The following ZNF467 variants were observed in gnomAD, a reference collection of about 807,000 sequenced individuals.
The protein encoded by ZNF467 is zinc finger protein EZI.
In ZNF467, 51 loss-of-function variants were observed where a neutral mutation model predicts 47.8. That is an observed-to-expected ratio of 1.07 (90% CI 0.85 to 1.35). The LOEUF is 1.35. Ranked by LOEUF, ZNF467 falls within the 40% of genes most tolerant of loss-of-function variation. The pLI is 0.00. For synonymous variants in ZNF467, 416 were observed against 372.9 expected, an observed-to-expected ratio of 1.12 and a Z score of -1.33; for missense variants, 992 against 858.1, an observed-to-expected ratio of 1.16 and a Z score of -1.95.
intron 3 of ZNF467, among the ~76,000 whole-genome samples, chr7:149,770,060 C>T (rs997494164): frequency 5.3e-5 from 8 of 151,592 alleles, no homozygotes; most frequent in Non-Finnish European, 1.2e-4. Flanking sequence ...CTATAACATG[C>T]CCCACCCACC....
At chr7:149,771,123 A>G in intron 1 of ZNF467, 49 bp from the exon 2 acceptor site, 3 of 1,560,062 alleles carry the variant, frequency 1.9e-6, no homozygotes, top group Non-Finnish European at 2.6e-6. Flanking sequence ...GCCAGCTTCC[A>G]CCTGGGCCCT....
In ZNF467 at chr7:149,764,319, G is replaced by C. The variant is rs1799069491; in HGVS notation, c.*395C>G. 1 of 448,586 alleles carries C rather than the reference G, an allele frequency of 2.2e-6. No homozygotes were observed. The highest frequency in any genetic ancestry group is 2.1e-5 in the African/African-American group (1 of 48,090). The allele number at this position is 448,586 out of a possible 1,614,324, so 27.8% of individuals were successfully genotyped here. ...ATGGAGGTGGGACAGTGGCTAAGGA[G>C]AGTCAGGTGTTCCCTCCCCCAATTC... On this transcript the variant is annotated 3_prime_UTR_variant, in exon 5 of 5. Transcript: ENST00000302017.
upstream of ZNF467, chr7:149,776,484 G>C (rs1207902051): frequency 2.3e-6 from 3 of 1,326,448 alleles, no homozygotes; most frequent in African/African-American, 1.5e-5. Flanking sequence ...GTGGCCGCTC[G>C]GGGCTTACCC....
chr7:149,774,825 C>G (rs1461859121), upstream of ZNF467, among the ~76,000 whole-genome samples: 1 of 152,096 alleles, frequency 6.6e-6, no homozygotes, highest in Non-Finnish European at 1.5e-5. The surrounding 1 kb of genome is among the most constrained non-coding windows in gnomAD (Gnocchi z 5.7). Flanking sequence ...ACTCTGGGCC[C>G]TTTTTTGGCC....
Position 149,769,405 on chromosome 7 carries a change from G to A in ZNF467, c.152-205C>T, listed in dbSNP as rs1799321167. On this transcript the variant is annotated intron_variant, in intron 3 of 4. Transcript: ENST00000302017. The surrounding 1 kb of genome is among the most constrained non-coding windows in gnomAD (Gnocchi z 5.3). ...CTCCTTCAAGCAGGGCGGCTGCTAA[G>A]GGTATGTAATGAGATGGACTACAAG... 6.6e-6 allele frequency among the ~76,000 whole-genome samples: 1 copy of A among 152,116 alleles called. No homozygotes were observed. Among genetic ancestry groups the A allele is most frequent in the Non-Finnish European group, 1.5e-5 (1 of 68,014 alleles).
chr7:149,770,643 G>T, intron 2 of ZNF467, 87 bp from the exon 3 acceptor site: 1 of 1,193,254 alleles, frequency 8.4e-7, no homozygotes, highest in Non-Finnish European at 1.2e-6. Flanking sequence ...TTCCCAGCCT[G>T]CCCAAGAGAC....
chr7:149,764,301 T>TCCCC lies in ZNF467; in HGVS notation c.*412_*413insGGGG. The TCCCC allele has an allele frequency of 2.0e-6, 1 of 503,930 alleles. No individual in the cohort carries two copies. Among genetic ancestry groups the TCCCC allele is most frequent in the Non-Finnish European group, 3.5e-6 (1 of 287,220 alleles). 31.2% of individuals were successfully genotyped at this position (503,930 alleles called of 1,614,324 possible). A position where few individuals can be genotyped will look rare whatever the true frequency, so the allele number is the denominator to read the frequency against. ...GGGGTGGTCTGTGTGTGGATGGAGG[T>TCCCC]GGGACAGTGGCTAAGGAGAGTCAGG... On this transcript the variant is annotated 3_prime_UTR_variant, in exon 5 of 5. Coordinates refer to ENST00000302017, the MANE Select transcript of ZNF467 (RefSeq NM_207336.3).
chr7:149,774,591 T>C (rs1336178518), upstream of ZNF467, among the ~76,000 whole-genome samples: 1 of 152,114 alleles, frequency 6.6e-6, no homozygotes, highest in Admixed American at 6.5e-5. This position sits in a 1 kb window ranked among gnomAD's most constrained non-coding sequence, Gnocchi z 5.7. Context: ...GGCTCAGCTG[T>C]GAAGGCTCCT....
In ZNF467 at chr7:149,769,151, C is replaced by T; in HGVS notation, c.201G>A (p.Glu67=). ...PEEGAHTEQA[E]APCRGQACSA... ...AGCACGCCTGGCCTCTGCAGGGAGCCTCGGCTTGTTCTGTGTGGGCACCTT... is the reference window on the plus strand; with the variant it reads ...AGCACGCCTGGCCTCTGCAGGGAGCTTCGGCTTGTTCTGTGTGGGCACCTT... Residue 67 remains glutamate (E), a synonymous_variant, in exon 4 of 5, where the codon GAG becomes GAA. Coordinates refer to ENST00000302017, the MANE Select transcript of ZNF467 (RefSeq NM_207336.3). The surrounding 1 kb of genome is among the most constrained non-coding windows in gnomAD (Gnocchi z 5.3). 6.4e-7 allele frequency: 1 copy of T among 1,563,190 alleles called. No homozygotes were observed. Among genetic ancestry groups the T allele is most frequent in the South Asian group, 1.2e-5 (1 of 85,030 alleles).
At position 149,769,246 on chromosome 7, in the gene ZNF467, T is replaced by C; in HGVS notation, c.152-46A>G. The C allele has an allele frequency of 6.7e-7, 1 of 1,491,522 alleles. No individual in the cohort carries two copies. Among genetic ancestry groups the C allele is most frequent in the Non-Finnish European group, 9.0e-7 (1 of 1,110,600 alleles). 92.4% of individuals were successfully genotyped at this position (1,491,522 alleles called of 1,614,324 possible). ...TCAAGGACTCTGGAGACATCACAGA[T>C]GGCCAAAGGGCCCCACTGGTGCTGG... On this transcript the variant is annotated intron_variant, in intron 3 of 4. Transcript: ENST00000302017. This position sits in a 1 kb window ranked among gnomAD's most constrained non-coding sequence, Gnocchi z 5.3.
chr7:149,770,617 G>A lies in ZNF467; in HGVS notation c.35-61C>T, dbSNP rs1159208631. On this transcript the variant is annotated intron_variant, in intron 2 of 4. Coordinates refer to ENST00000302017, the MANE Select transcript of ZNF467 (RefSeq NM_207336.3). ...TCCAGTACAGAACAAGTAATCAGAG[G>A]CGGGGGCTGTTCCCCTTCCCAGCCT... 3.5e-6 allele frequency: 5 copies of A among 1,435,310 alleles called. No homozygotes were observed. In the Admixed American group the frequency reaches 9.6e-5, roughly 28 times the overall value. 88.9% of individuals were successfully genotyped at this position (1,435,310 alleles called of 1,614,324 possible).
At position 149,765,942 on chromosome 7, in the gene ZNF467, G is replaced by A. The variant is rs1382213688; in HGVS notation, c.560C>T (p.Pro187Leu). ...LHQRLHRGEG[P>L]CACPDCGRSF... is the part of the protein sequence containing the mutation. ...GCGGCCGCAGTCCGGGCAGGCGCAGGGGCCCTCGCCCCGGTGCAGCCGCTG... is the reference window on the plus strand; with the variant it reads ...GCGGCCGCAGTCCGGGCAGGCGCAGAGGCCCTCGCCCCGGTGCAGCCGCTG... Residue 187 changes from proline to leucine, a missense_variant, in exon 5 of 5, where the codon CCC becomes CTC. Pro to Leu is a moderately conservative substitution (Grantham distance 98, BLOSUM62 -3). Transcript: ENST00000302017. 4.5e-6 allele frequency: 7 copies of A among 1,552,820 alleles called. No homozygotes were observed. Among genetic ancestry groups the A allele is most frequent in the Non-Finnish European group, 6.1e-6 (7 of 1,149,432 alleles).
Position 149,766,108 on chromosome 7 carries a change from CA to C in ZNF467, c.393del (p.Ala132ProfsTer13). 1 of 1,609,286 alleles carries C rather than the reference CA, an allele frequency of 6.2e-7. No individual in the cohort carries two copies. ...GCCCCTGGCTCCAGTTTGTACGCGG[CA>C]GCCAGATGCCCCAGGTCAGGCGCGG... ...PFPAPDLGHL[A>X]AAYKLEPGAP... On this transcript the variant is annotated frameshift_variant, in exon 5 of 5. Coordinates refer to ENST00000302017, the MANE Select transcript of ZNF467 (RefSeq NM_207336.3). LOFTEE classifies it high-confidence loss of function.
chr7:149,776,085 C>T (rs768086345), upstream of ZNF467: 4 of 1,364,812 alleles, frequency 2.9e-6, no homozygotes, highest in Middle Eastern at 6.8e-4. Flanking sequence ...TGGGCCCTGG[C>T]TGACGGGTAA....
At position 149,766,201 on chromosome 7, in the gene ZNF467, C is replaced by G; in HGVS notation, c.301G>C (p.Glu101Gln). The G allele has an allele frequency of 2.0e-6, 3 of 1,535,910 alleles. No individual in the cohort carries two copies. The highest frequency in any genetic ancestry group is 2.6e-6 in the Non-Finnish European group (3 of 1,140,278). The change falls in exon 5 of 5, where the codon GAA becomes CAA. Residue 101 changes from glutamate (E) to glutamine (Q), a missense_variant. Glu to Gln is a conservative substitution (Grantham distance 29). Transcript: ENST00000302017. ...ACCTCCTCTTCTGCCTCCTGATCTTCGTCCTCCACCTTCACCTTCCGAATC... is the reference window on the plus strand; with the variant it reads ...ACCTCCTCTTCTGCCTCCTGATCTTGGTCCTCCACCTTCACCTTCCGAATC... Reference protein sequence around the residue: ...WMIRKVKVEDEDQEAEEEVEW... With the variant: ...WMIRKVKVEDQDQEAEEEVEW...
chr7:149,775,375 G>A (rs1205233459), upstream of ZNF467, among the ~76,000 whole-genome samples: 1 of 152,108 alleles, frequency 6.6e-6, no homozygotes, highest in African/African-American at 2.4e-5. Context: ...CACTGCCCCC[G>A]ACTCCTCAGT....
upstream of ZNF467, among the ~76,000 whole-genome samples, chr7:149,775,347 C>T (rs184733859): frequency 6.6e-6 from 1 of 152,278 alleles, no homozygotes; most frequent in East Asian, 1.9e-4. Context: ...CCCCAGCTAC[C>T]CTAGAAGTGC....
At chr7:149,768,830 G>C (rs1253721155) in intron 4 of ZNF467, among the ~76,000 whole-genome samples, 1 of 152,252 alleles carries the variant, frequency 6.6e-6, no homozygotes, top group Non-Finnish European at 1.5e-5. Flanking sequence ...AGGATTTCTA[G>C]AAGGCATTTG....
intron 4 of ZNF467, among the ~76,000 whole-genome samples, chr7:149,767,563 T>C (rs963494786): frequency 4.6e-5 from 7 of 152,260 alleles, no homozygotes; most frequent in African/African-American, 1.7e-4. Flanking sequence ...TTTATTTATT[T>C]TTAATTGAGT....
Sources: gnomAD v4.1 joint callset for allele counts (sites outside exome capture counted in the v4.1 genomes callset) on GRCh38, gnomAD v4.1.1 for gene constraint, Gnocchi (gnomAD v3.1) non-coding constraint, MANE v1.5 for transcripts, NCBI Gene and HGNC (gene_info 2026-07-23, HGNC 2026-07-21) for gene names.